The following USP33 variants were observed in gnomAD, a reference collection of about 807,000 sequenced individuals.
USP33 encodes ubiquitin specific peptidase 33, also known as ubiquitin carboxyl-terminal hydrolase 33.
In USP33, 46 loss-of-function variants were observed where a neutral mutation model predicts 124.2. The ratio of observed to expected loss-of-function variants is 0.37; its 90% CI spans 0.29 to 0.47. The LOEUF is 0.47. USP33 is among the 20% of genes least tolerant of loss of function. The probability of loss-of-function intolerance (pLI) is 0.99; values close to 1 mark genes in which losing one functional copy is unlikely to be tolerated. For synonymous variants in USP33, 350 were observed against 352.3 expected (o/e 0.99, Z 0.07); for missense variants, 851 against 1,070.6 (o/e 0.79, Z 2.86).
chr1:77,734,304 T>A, intron 7 of USP33, 43 bp downstream of exon 7: 1 of 1,442,514 alleles, frequency 6.9e-7, no homozygotes, highest in African/African-American at 1.4e-5. Flanking sequence ...AAAAATAACT[T>A]AAAAAATTAT....
chr1:77,716,099 C>A (rs1247362222), intron 17 of USP33, among the ~76,000 whole-genome samples: 1 of 152,056 alleles, frequency 6.6e-6, no homozygotes, highest in Non-Finnish European at 1.5e-5. Flanking sequence ...TGCTCTGTTG[C>A]CCAAGCTGGC....
intron 22 of USP33, among the ~76,000 whole-genome samples, chr1:77,700,126 G>T (rs535724779): frequency 2.0e-5 from 3 of 152,336 alleles, no homozygotes; most frequent in African/African-American, 7.2e-5. Context: ...GGGTTGATAG[G>T]TGGAGCAAAT....
In USP33 at chr1:77,714,799, A is replaced by AT; in HGVS notation, c.2046-17dup. 6.2e-7 allele frequency: 1 copy of AT among 1,605,772 alleles called. No homozygotes were observed. The highest frequency in any genetic ancestry group is 8.5e-7 in the Non-Finnish European group (1 of 1,178,614). On this transcript the variant is annotated splice_polypyrimidine_tract_variant and intron_variant, in intron 18 of 23. Transcript: ENST00000370794. Reference sequence around the variant, plus strand: ...GCTGCTCTTCCTATTAAGGACAATGATTAGTTAAATTCAATATGCATTTTA... The same window carrying AT: ...GCTGCTCTTCCTATTAAGGACAATGATTTAGTTAAATTCAATATGCATTTTA...
At position 77,728,326 on chromosome 1, in the gene USP33, A is replaced by G. The variant is rs766325389; in HGVS notation, c.1104T>C (p.Thr368=). ...CTCTGCTGTGTATTTGCACTTTGAC[A>G]GTTTCCTGGTTGTTTAAGTCGACTG... The part of the protein sequence containing the change: ...SETVDLNNQE[T]VKVQIHSRAS... The change falls in exon 10 of 24, where the codon ACT becomes ACC. Residue 368 remains threonine (T), a synonymous_variant. Coordinates refer to ENST00000370794, the MANE Select transcript of USP33 (RefSeq NM_201624.3). The G allele has an allele frequency of 6.2e-7, 1 of 1,602,226 alleles. No individual in the cohort carries two copies. The highest frequency in any genetic ancestry group is 8.5e-7 in the Non-Finnish European group (1 of 1,176,100).
intron 1 of USP33, among the ~76,000 whole-genome samples, chr1:77,755,521 C>T (rs1004832471): frequency 3.9e-5 from 6 of 152,096 alleles, no homozygotes; most frequent in African/African-American, 7.2e-5. Flanking sequence ...CATGGTGAAA[C>T]CCCCATTTCT....
chr1:77,713,652 C>T (rs1272726743), intron 19 of USP33: 3 of 191,020 alleles, frequency 1.6e-5, no homozygotes, highest in African/African-American at 4.8e-5. Flanking sequence ...CTGCTTTGGC[C>T]TCCCAAAGTG....
At chr1:77,743,411 C>T (rs1198632262) in intron 1 of USP33, among the ~76,000 whole-genome samples, 1 of 152,074 alleles carries the variant, frequency 6.6e-6, no homozygotes, top group African/African-American at 2.4e-5. Flanking sequence ...ATCAAATAAT[C>T]AATTCACTAT....
At position 77,696,520 on chromosome 1, in the gene USP33, T is replaced by C. The variant is rs993480819; in HGVS notation, c.*797A>G. 1.3e-5 allele frequency: 2 copies of C among 152,662 alleles called. No homozygotes were observed. Among genetic ancestry groups the C allele is most frequent in the African/African-American group, 4.8e-5 (2 of 41,462 alleles). The allele number at this position is 152,662 out of a possible 1,614,324, so 9.5% of individuals were successfully genotyped here. On this transcript the variant is annotated 3_prime_UTR_variant, in exon 24 of 24. Coordinates refer to ENST00000370794, the MANE Select transcript of USP33 (RefSeq NM_201624.3). ...CAGTGCAAAAAAAGTGACACCCTAG[T>C]TTCCTGAGCTTTAGGAAATTAACAA...
chr1:77,741,290 A>G, intron 3 of USP33, 86 bp downstream of exon 3: 3 of 1,313,418 alleles, frequency 2.3e-6, no homozygotes, highest in Non-Finnish European at 3.1e-6. Flanking sequence ...AATCACTTTA[A>G]GTATCAAAAA....
At position 77,709,480 on chromosome 1, in the gene USP33, T is replaced by C. The variant is rs79529508; in HGVS notation, c.2406+2267A>G. Among the ~76,000 whole-genome samples the C allele has an allele frequency of 3.6e-3, 547 of 152,148 alleles. 3 individuals are homozygous for C. Among genetic ancestry groups the C allele is most frequent in the African/African-American group, 0.013 (521 of 41,534 alleles). On this transcript the variant is annotated intron_variant, in intron 21 of 23. Coordinates refer to ENST00000370794, the MANE Select transcript of USP33 (RefSeq NM_201624.3). Reference sequence around the variant, plus strand: ...CAGTGAACTATGACCAGCCACTGCATTCCAGCCTGGTGACAGAATGAGACC... The same window carrying C: ...CAGTGAACTATGACCAGCCACTGCACTCCAGCCTGGTGACAGAATGAGACC...
intron 21 of USP33, among the ~76,000 whole-genome samples, chr1:77,711,196 TAAAAAA>T (rs879435761): frequency 5.7e-5 from 8 of 141,004 alleles, no homozygotes; most frequent in African/African-American, 2.1e-4. Context: ...GCCAATACAT[TAAAAAA>T]AAAAAAAGTA....
In USP33 at chr1:77,726,406, A is replaced by G. The variant is rs577766863; in HGVS notation, c.1136-644T>C. Among the ~76,000 whole-genome samples the G allele has an allele frequency of 1.5e-3, 222 of 152,076 alleles. 2 individuals carry two copies. Among genetic ancestry groups the G allele is most frequent in the African/African-American group, 5.1e-3 (212 of 41,502 alleles). On this transcript the variant is annotated intron_variant, in intron 10 of 23. Transcript: ENST00000370794. ...TAACGCCTACAATCCCAACACTGGG[A>G]GGCCAAGGTGGGAAGACTGCTTGAG... is the stretch of plus-strand genomic sequence containing the variant.
chr1:77,743,579 GTCC>G (rs1008346525), intron 1 of USP33, among the ~76,000 whole-genome samples: 11 of 151,708 alleles, frequency 7.3e-5, no homozygotes, highest in Non-Finnish European at 1.3e-4. Context: ...GTCTCAAACC[GTCC>G]TCCTGTCTCA....
rs35770178 is a variant in USP33, at chr1:77,709,882, T to TACACACACAC, written c.2406+1855_2406+1864dup. Among the ~76,000 whole-genome samples, 134 of 144,878 alleles carry TACACACACAC rather than the reference T, an allele frequency of 9.2e-4. 3 individuals are homozygous for TACACACACAC. In the South Asian group the frequency reaches 0.019, roughly 20 times the overall value. Reference sequence around the variant, plus strand: ...TCAAGTTTCTATACATGCATACACATACACACACACACACACACACACACA... The same window carrying TACACACACAC: ...TCAAGTTTCTATACATGCATACACATACACACACACACACACACACACACACACACACACA... On this transcript the variant is annotated intron_variant, in intron 21 of 23. Coordinates refer to ENST00000370794, the MANE Select transcript of USP33 (RefSeq NM_201624.3).
chr1:77,711,598 G>T (rs1157682563), intron 21 of USP33, 149 bp downstream of exon 21: 24 of 1,278,550 alleles, frequency 1.9e-5, no homozygotes, highest in Non-Finnish European at 2.5e-5. Context: ...GTAGTGAACT[G>T]CCTGAGGTCA....
At position 77,730,662 on chromosome 1, in the gene USP33, A is replaced by G; in HGVS notation, c.594T>C (p.Cys198=). The G allele has an allele frequency of 6.3e-7, 1 of 1,598,312 alleles. No individual in the cohort carries two copies. Among genetic ancestry groups the G allele is most frequent in the Non-Finnish European group, 8.5e-7 (1 of 1,170,502 alleles). The change falls in exon 8 of 24, where the codon TGT becomes TGC. Residue 198 remains cysteine, a synonymous_variant. Coordinates refer to ENST00000370794, the MANE Select transcript of USP33 (RefSeq NM_201624.3). ...CTGTCATTAGTTTGAGATAACTTTT[A>G]CAAATGGCAGGTTTCTTATCTGTTC... ...LARTDKKPAI[C]KSYLKLMTEL...
chr1:77,759,706 C>T lies in USP33; in HGVS notation c.-115G>A. 2.5e-6 allele frequency: 1 copy of T among 398,872 alleles called. No individual in the cohort carries two copies. The highest frequency in any genetic ancestry group is 4.4e-6 in the Non-Finnish European group (1 of 226,346). The allele number at this position is 398,872 out of a possible 1,614,324, so 24.7% of individuals were successfully genotyped here. On this transcript the variant is annotated 5_prime_UTR_variant, in exon 1 of 24. Coordinates refer to ENST00000370794, the MANE Select transcript of USP33 (RefSeq NM_201624.3). ...ACAACGGCCTGCAGCCGCACCTCCGCAAGCTCCTCTTTTCCTTCTCAGCTC... is the reference window on the plus strand; with the variant it reads ...ACAACGGCCTGCAGCCGCACCTCCGTAAGCTCCTCTTTTCCTTCTCAGCTC...
chr1:77,736,234 C>T lies in USP33; in HGVS notation c.352-76G>A, dbSNP rs182494198. 1.5e-4 allele frequency: 125 copies of T among 832,560 alleles called. 1 individual carries two copies. Among genetic ancestry groups the T allele is most frequent in the Non-Finnish European group, 1.4e-5 (8 of 552,862 alleles). The allele number at this position is 832,560 out of a possible 1,614,324, so 51.6% of individuals were successfully genotyped here. A position where few individuals can be genotyped will look rare whatever the true frequency, so the allele number is the denominator to read the frequency against. On this transcript the variant is annotated intron_variant, in intron 5 of 23. Coordinates refer to ENST00000370794, the MANE Select transcript of USP33 (RefSeq NM_201624.3). ...AAAGTTTTAATTGTAACTTATATAA[C>T]ATCTATACCATAAAAATTATTGAGA...
chr1:77,729,486 C>G (rs1677551605), intron 9 of USP33, among the ~76,000 whole-genome samples: 5 of 151,300 alleles, frequency 3.3e-5, no homozygotes, highest in Admixed American at 3.3e-4. Flanking sequence ...GCTTGGCCAA[C>G]ATGACGAAAC....
Sources: allele counts gnomAD v4.1 joint callset (sites outside exome capture counted in the v4.1 genomes callset), GRCh38; gene constraint gnomAD v4.1.1; transcripts MANE v1.5; gene names NCBI Gene and HGNC (gene_info 2026-07-23, HGNC 2026-07-21).